The following PDE10A variants were observed in gnomAD, a reference collection of about 807,000 sequenced individuals.
PDE10A encodes the protein cAMP and cAMP-inhibited cGMP 3',5'-cyclic phosphodiesterase 10A.
In PDE10A, 39 loss-of-function variants were observed where a neutral mutation model predicts 97.7. The observed-to-expected ratio is 0.40, with a 90% CI of 0.31 to 0.52. The LOEUF is 0.52. Among genes scored for constraint, PDE10A ranks in the 20% least tolerant of loss-of-function variants. The pLI, the probability that PDE10A is intolerant of heterozygous loss-of-function variation, is 0.56. For missense variants in PDE10A, 731 were observed against 1,047.8 expected, an observed-to-expected ratio of 0.70 and a Z score of 4.17; for synonymous variants, 371 against 376.8, an observed-to-expected ratio of 0.98 and a Z score of 0.18.
chr6:165,591,866 C>A (rs185437853), intron 1 of PDE10A, among the ~76,000 whole-genome samples: 5 of 152,226 alleles, frequency 3.3e-5, no homozygotes, highest in African/African-American at 9.6e-5. Context: ...ATTTAAAAGG[C>A]TCTATTATAT....
chr6:165,704,325 C>G (rs1195286841), intron 1 of PDE10A, among the ~76,000 whole-genome samples: 36 of 150,658 alleles, frequency 2.4e-4, no homozygotes, highest in Non-Finnish European at 4.6e-4. Flanking sequence ...ACGTGGGACA[C>G]CCATGCAAAT....
Position 165,348,759 on chromosome 6 carries a change from T to C in PDE10A, c.2784-5257A>G, listed in dbSNP as rs543293660. Among the ~76,000 whole-genome samples, 301 of 152,352 alleles carry C rather than the reference T, an allele frequency of 2.0e-3. 2 individuals are homozygous for C. Among genetic ancestry groups the C allele is most frequent in the African/African-American group, 6.5e-3 (269 of 41,592 alleles). ...TGTTGTGGGAGAGATGAGGTGGAGA[T>C]AACTGAATCATGCGGGCAGTTTCCC... On this transcript the variant is annotated intron_variant, in intron 18 of 21. Coordinates refer to ENST00000539869, the MANE Select transcript of PDE10A (RefSeq NM_001385079.1).
At chr6:165,881,777 T>C (rs946871966) in intron 1 of PDE10A, among the ~76,000 whole-genome samples, 1 of 152,144 alleles carries the variant, frequency 6.6e-6, no homozygotes, top group Non-Finnish European at 1.5e-5. Context: ...ATGACTGCAC[T>C]AATCCAAGAA....
chr6:165,662,471 G>A lies in PDE10A; in HGVS notation c.341C>T (p.Ser114Phe), dbSNP rs1184053630. 2 of 149,340 alleles carry A rather than the reference G, an allele frequency of 1.3e-5. No homozygotes were observed. The highest frequency in any genetic ancestry group is 2.5e-5 in the African/African-American group (1 of 40,778). 9.3% of individuals were successfully genotyped at this position (149,340 alleles called of 1,614,324 possible). The change falls in exon 1 of 22, where the codon TCT (serine) becomes TTT (phenylalanine). Residue 114 changes from serine to phenylalanine, a missense_variant. Ser to Phe is a radical substitution (Grantham distance 155). This residue lies in a region of PDE10A where 181 missense variants were observed against 159.1 expected (regional missense o/e 1.14). Transcript: ENST00000539869. The stretch of plus-strand genomic sequence containing the variant: ...GGGCGGCGGCCAGAAGTAAAAGAAA[G>A]ATGGAGAGGAGGAGGGGACCCGGGA... Reference protein sequence around the residue: ...FSSRVPSSSPSFFYFWPPPPP... With the variant: ...FSSRVPSSSPFFFYFWPPPPP...
chr6:165,986,574 T>TCTCCTTC (rs1359585897), intron 1 of PDE10A: 5 of 152,124 alleles, frequency 3.3e-5, no homozygotes, highest in Admixed American at 2.6e-4. Flanking sequence ...TCAGTCTCTC[T>TCTCCTTC]CTCCTTCCTC....
intron 10 of PDE10A, among the ~76,000 whole-genome samples, chr6:165,422,486 C>CA (rs1788793475): frequency 7.8e-6 from 1 of 127,610 alleles, no homozygotes; most frequent in Non-Finnish European, 1.8e-5. Flanking sequence ...CGCATACACA[C>CA]CTATGCATAC....
chr6:165,786,439 AAACTT>A (rs1200304235), intron 1 of PDE10A, among the ~76,000 whole-genome samples: 6 of 152,396 alleles, frequency 3.9e-5, no homozygotes, highest in Middle Eastern at 3.4e-3. Context: ...AAGATAAAGT[AAACTT>A]AACTTGGGTT....
chr6:165,866,546 T>G (rs2128477654), intron 1 of PDE10A, among the ~76,000 whole-genome samples: 1 of 152,004 alleles, frequency 6.6e-6, no homozygotes, highest in South Asian at 2.1e-4. Context: ...TGTGCTGCAT[T>G]TAGAATAATA....
intron 2 of PDE10A, among the ~76,000 whole-genome samples, chr6:165,535,022 C>T (rs922808664): frequency 2.0e-5 from 3 of 151,946 alleles, no homozygotes; most frequent in Non-Finnish European, 4.4e-5. Flanking sequence ...TCAGATGACA[C>T]GATCTTGTAT....
intron 8 of PDE10A, among the ~76,000 whole-genome samples, chr6:165,430,724 C>T (rs1005661555): frequency 1.3e-5 from 2 of 152,156 alleles, no homozygotes; most frequent in African/African-American, 4.8e-5. Flanking sequence ...TTTCTAAAAA[C>T]TGTAGTTGAG....
chr6:165,894,032 C>T (rs966084854), intron 1 of PDE10A, among the ~76,000 whole-genome samples: 6 of 152,122 alleles, frequency 3.9e-5, no homozygotes, highest in African/African-American at 1.2e-4. Context: ...CTTGTCTCCC[C>T]TCGTTGCTCC....
chr6:165,696,424 C>G (rs34906263), intron 1 of PDE10A, among the ~76,000 whole-genome samples: 6,551 of 152,246 alleles, frequency 0.043, 301 homozygotes, highest in East Asian at 0.22. Flanking sequence ...ACCCCTTTGT[C>G]CAGCATATCG....
intron 1 of PDE10A, among the ~76,000 whole-genome samples, chr6:165,917,073 G>C (rs1782626558): frequency 6.6e-6 from 1 of 152,124 alleles, no homozygotes; most frequent in Admixed American, 6.5e-5. Context: ...CAGAGCTCCA[G>C]GTCAGCTTTT....
intron 1 of PDE10A, among the ~76,000 whole-genome samples, chr6:165,677,681 A>G (rs1790837927): frequency 6.6e-6 from 1 of 152,102 alleles, no homozygotes. Flanking sequence ...ACGTCGGTGG[A>G]CTCTGGTATC....
At chr6:165,468,985 G>T (rs1318350798) in intron 3 of PDE10A, among the ~76,000 whole-genome samples, 1 of 152,170 alleles carries the variant, frequency 6.6e-6, no homozygotes, top group Non-Finnish European at 1.5e-5. Flanking sequence ...TGCCAAGAAT[G>T]GTGTGGCAAA....
chr6:165,357,185 T>C (rs1783082073), intron 18 of PDE10A, among the ~76,000 whole-genome samples: 1 of 152,190 alleles, frequency 6.6e-6, no homozygotes, highest in South Asian at 2.1e-4. Context: ...ATTTTGGAAA[T>C]GTTAAGCCAG....
intron 1 of PDE10A, among the ~76,000 whole-genome samples, chr6:165,829,369 C>T (rs575747286): frequency 1.1e-4 from 15 of 139,474 alleles, no homozygotes; most frequent in East Asian, 2.7e-4. Context: ...AAGGCAAGCA[C>T]GGGATACACA....
chr6:165,553,059 T>C (rs1404019331), intron 1 of PDE10A, among the ~76,000 whole-genome samples: 1 of 152,200 alleles, frequency 6.6e-6, no homozygotes, highest in Non-Finnish European at 1.5e-5. Flanking sequence ...ATGAGATTCT[T>C]TTCTTTCTCT....
At chr6:165,931,016 C>A (rs555948168) in intron 1 of PDE10A, among the ~76,000 whole-genome samples, 72 of 152,334 alleles carry the variant, frequency 4.7e-4, no homozygotes, top group African/African-American at 1.6e-3. Context: ...CTGTTAGGAA[C>A]CTTCTCATGC....
Sources: allele counts gnomAD v4.1 joint callset (sites outside exome capture counted in the v4.1 genomes callset), GRCh38; gene constraint gnomAD v4.1.1; regional missense constraint gnomAD v4.1.1; transcripts MANE v1.5; gene names NCBI Gene and HGNC (gene_info 2026-07-23, HGNC 2026-07-21).